TM2D1: variants seen among roughly 807,000 people sequenced by gnomAD.
TM2D1 encodes the protein TM2 domain containing 1, also known as TM2 domain-containing protein 1.
In TM2D1, 15 loss-of-function variants were observed where a neutral mutation model predicts 28.4. The observed-to-expected ratio is 0.53, with a 90% CI of 0.35 to 0.81. The LOEUF is 0.81. Ranked by LOEUF, TM2D1 falls within the 40% of genes least tolerant of loss-of-function variation. The probability of loss-of-function intolerance (pLI) is 0.01; values close to 1 mark genes in which losing one functional copy is unlikely to be tolerated. For synonymous variants in TM2D1, 93 were observed against 96.2 expected, an observed-to-expected ratio of 0.97 and a Z score of 0.20; for missense variants, 236 against 254.9, an observed-to-expected ratio of 0.93 and a Z score of 0.50.
chr1:61,715,272 T>C (rs993602467), intron 2 of TM2D1, among the ~76,000 whole-genome samples: 3 of 152,186 alleles, frequency 2.0e-5, no homozygotes, highest in Non-Finnish European at 4.4e-5. Context: ...GTCCTGTCAC[T>C]TAACTAGCAT....
intron 2 of TM2D1, among the ~76,000 whole-genome samples, chr1:61,721,407 TG>T (rs1644563226): frequency 1.3e-5 from 2 of 151,886 alleles, no homozygotes; most frequent in Admixed American, 6.6e-5. Context: ...CTGGGCATGG[TG>T]GTGCACGCCT....
Position 61,716,461 on chromosome 1 carries a change from A to C in TM2D1, c.239-7024T>G, listed in dbSNP as rs1692132. Among the ~76,000 whole-genome samples the C allele has an allele frequency of 5.5e-5, 8 of 144,924 alleles. No individual in the cohort carries two copies. In the South Asian group the frequency reaches 1.7e-3, roughly 31 times the overall value. ...TATAATTATATATAATTTTATATAC[A>C]TATATAATTATATATAATTTTATAT... is the stretch of plus-strand genomic sequence containing the variant. On this transcript the variant is annotated intron_variant, in intron 2 of 6. Transcript: ENST00000606498.
intron 2 of TM2D1, among the ~76,000 whole-genome samples, chr1:61,711,321 C>A (rs1170523935): frequency 6.8e-6 from 1 of 146,944 alleles, no homozygotes; most frequent in Non-Finnish European, 1.5e-5. Flanking sequence ...AAGAGTGAAA[C>A]TCCACCTCAA....
chr1:61,694,598 T>C, intron 5 of TM2D1, 99 bp downstream of exon 5: 2 of 731,422 alleles, frequency 2.7e-6, no homozygotes, highest in Non-Finnish European at 4.3e-6. Context: ...ACCATTCTTC[T>C]CTGCTTCCTC....
intron 2 of TM2D1, among the ~76,000 whole-genome samples, chr1:61,714,131 A>G (rs1644499877): frequency 6.8e-6 from 1 of 146,118 alleles, no homozygotes; most frequent in South Asian, 2.1e-4. Context: ...TCCTGACCTC[A>G]TGATCCACCC....
intron 5 of TM2D1, among the ~76,000 whole-genome samples, chr1:61,691,856 G>C (rs866560020): frequency 6.9e-6 from 1 of 145,660 alleles, no homozygotes; most frequent in African/African-American, 2.5e-5. Flanking sequence ...TGGAGGTTGC[G>C]GTGAGCCGAG....
chr1:61,707,287 T>C (rs562966070), intron 3 of TM2D1, among the ~76,000 whole-genome samples: 15 of 152,290 alleles, frequency 9.8e-5, no homozygotes, highest in African/African-American at 3.6e-4. Flanking sequence ...CTTATGAGTA[T>C]GATTAGTGTA....
intron 3 of TM2D1, 109 bp downstream of exon 3, chr1:61,709,219 TA>T: frequency 4.2e-6 from 3 of 714,560 alleles, no homozygotes; most frequent in Non-Finnish European, 7.0e-6. Context: ...AGCAAAAAGA[TA>T]AAAGATACAT....
At chr1:61,699,568 C>G (rs191642785) in intron 4 of TM2D1, 2 of 152,382 alleles carry the variant, frequency 1.3e-5, no homozygotes, top group East Asian at 3.9e-4. Context: ...ATATGCTTTA[C>G]ACATGCTGTT....
intron 2 of TM2D1, among the ~76,000 whole-genome samples, chr1:61,714,543 A>G (rs539272639): frequency 5.3e-5 from 8 of 152,208 alleles, no homozygotes; most frequent in Middle Eastern, 3.4e-3. Flanking sequence ...TCTGTCCAAA[A>G]AAAACTAAAG....
intron 2 of TM2D1, among the ~76,000 whole-genome samples, chr1:61,714,706 C>T (rs1644504332): frequency 6.6e-6 from 1 of 152,172 alleles, no homozygotes; most frequent in Non-Finnish European, 1.5e-5. Flanking sequence ...AGGTGTGTGC[C>T]ACCAAGCCTG....
chr1:61,683,691 C>T, intron 5 of TM2D1, 145 bp from the exon 6 acceptor site: 3 of 477,214 alleles, frequency 6.3e-6, no homozygotes. Flanking sequence ...AATTTAGTGG[C>T]TCATGTAGCT....
intron 3 of TM2D1, among the ~76,000 whole-genome samples, chr1:61,702,999 G>A (rs1029862693): frequency 1.3e-5 from 2 of 151,326 alleles, no homozygotes; most frequent in Non-Finnish European, 2.9e-5. Flanking sequence ...CCAGCTACTT[G>A]GGAGGCTGAG....
chr1:61,719,682 A>T (rs541878024), intron 2 of TM2D1, among the ~76,000 whole-genome samples: 1 of 151,748 alleles, frequency 6.6e-6, no homozygotes. Context: ...TTTAGTAGAG[A>T]CGGGGTTTCT....
At chr1:61,700,736 T>C (rs1015072643) in intron 4 of TM2D1, among the ~76,000 whole-genome samples, 198 bp downstream of exon 4, 5 of 152,120 alleles carry the variant, frequency 3.3e-5, no homozygotes, top group African/African-American at 9.7e-5. Context: ...GGTGAAAACA[T>C]AGGAAAAGTC....
chr1:61,700,225 G>A (rs1335190822), intron 4 of TM2D1: 2 of 1,530,518 alleles, frequency 1.3e-6, no homozygotes, highest in East Asian at 5.0e-5. Context: ...ATAAAGGAAA[G>A]CCTCTAGACT....
chr1:61,724,947 C>T lies in TM2D1; in HGVS notation c.164+10G>A. The T allele has an allele frequency of 6.3e-7, 1 of 1,588,174 alleles. No individual in the cohort carries two copies. Among genetic ancestry groups the T allele is most frequent in the Non-Finnish European group, 8.6e-7 (1 of 1,162,854 alleles). ...CGCCTCCATGGGGGGGTGTTCTCCA[C>T]AGAGGATATTGTCCCACTTTGAGGT... On this transcript the variant is annotated intron_variant, in intron 1 of 6. Coordinates refer to ENST00000606498, the MANE Select transcript of TM2D1 (RefSeq NM_032027.3).
chr1:61,722,236 A>T (rs1486941038), intron 2 of TM2D1, among the ~76,000 whole-genome samples: 1 of 152,130 alleles, frequency 6.6e-6, no homozygotes, highest in East Asian at 1.9e-4. Flanking sequence ...CAGTGAACTG[A>T]GATGGCACCA....
At position 61,700,936 on chromosome 1, in the gene TM2D1, A is replaced by G; in HGVS notation, c.437T>C (p.Leu146Ser). 2 of 1,605,876 alleles carry G rather than the reference A, an allele frequency of 1.2e-6. No individual in the cohort carries two copies. The highest frequency in any genetic ancestry group is 1.7e-6 in the Non-Finnish European group (2 of 1,176,308). Residue 146 changes from leucine (L) to serine (S), a missense_variant and splice_region_variant, in exon 4 of 7, where the codon TTG becomes TCG. Leu to Ser is a moderately radical substitution (Grantham distance 145). This residue lies in a region of TM2D1 where 64 missense variants were observed against 73.1 expected (regional missense o/e 0.88). Coordinates refer to ENST00000606498, the MANE Select transcript of TM2D1 (RefSeq NM_032027.3). ...TTTTTTTAATGAAACATACGCACCCAAAGCAGGGTATCCAAGGTAAAATCG... is the reference window on the plus strand; with the variant it reads ...TTTTTTTAATGAAACATACGCACCCGAAGCAGGGTATCCAAGGTAAAATCG... ...ADRFYLGYPA[L>S]GLLKFCTVGF...
Sources: allele counts gnomAD v4.1 joint callset (sites outside exome capture counted in the v4.1 genomes callset), GRCh38; gene constraint gnomAD v4.1.1; regional missense constraint gnomAD v4.1.1; transcripts MANE v1.5; gene names NCBI Gene and HGNC (gene_info 2026-07-23, HGNC 2026-07-21).